CALU: variants seen among roughly 807,000 people sequenced by gnomAD.
CALU encodes the protein calumenin, also known as IEF SSP 9302.
A neutral mutation model predicts 37.5 loss-of-function variants in CALU; 13 were observed. The ratio of observed to expected loss-of-function variants is 0.35; its 90% confidence interval spans 0.23 to 0.55. The LOEUF is 0.55. Among genes scored for constraint, CALU ranks in the 20% least tolerant of loss-of-function variants. CALU has a pLI of 0.89. For synonymous variants in CALU, 114 were observed against 133.8 expected (o/e 0.85, Z 1.02); for missense variants, 282 against 391.7 (o/e 0.72, Z 2.36).
intron 2 of CALU, among the ~76,000 whole-genome samples, chr7:128,749,194 G>T (rs530268722): frequency 6.6e-6 from 1 of 152,188 alleles, no homozygotes; most frequent in Non-Finnish European, 1.5e-5. Flanking sequence ...TCTTTGATGG[G>T]CTAATAAACG....
chr7:128,758,272 C>G (rs1032107647), intron 3 of CALU, among the ~76,000 whole-genome samples: 2 of 152,080 alleles, frequency 1.3e-5, no homozygotes. Context: ...CATTCTATTG[C>G]TTGAATCCAA....
intron 5 of CALU, among the ~76,000 whole-genome samples, chr7:128,760,806 G>A (rs1196684699): frequency 1.3e-5 from 2 of 152,208 alleles, no homozygotes; most frequent in East Asian, 3.9e-4. Flanking sequence ...TACTGGGGAC[G>A]CTGAGGCAGG....
Position 128,772,510 on chromosome 7 carries a change from A to G in CALU, c.*3343A>G, listed in dbSNP as rs2128885254. The G allele has an allele frequency of 4.3e-6, 7 of 1,613,852 alleles. No individual in the cohort carries two copies. Among genetic ancestry groups the G allele is most frequent in the Non-Finnish European group, 5.9e-6 (7 of 1,179,758 alleles). On this transcript the variant is annotated 3_prime_UTR_variant, in exon 7 of 7. Transcript: ENST00000249364. ...TTACTTAAAAGTAAAATTTAATTCT[A>G]GCTGTTGCAAACAGGCCAATATTGG...
At chr7:128,747,633 T>C (rs985749691) in intron 1 of CALU, 2 of 152,158 alleles carry the variant, frequency 1.3e-5, no homozygotes, top group Admixed American at 6.6e-5. Flanking sequence ...TTCTTCTTGA[T>C]TTTTAATTTT....
intron 1 of CALU, among the ~76,000 whole-genome samples, chr7:128,745,766 A>C (rs1459747318): frequency 2.0e-5 from 3 of 152,194 alleles, no homozygotes; most frequent in Admixed American, 6.5e-5. Context: ...GGTCAGCCAG[A>C]GTGTTGTTCA....
chr7:128,746,528 A>G lies in CALU; in HGVS notation c.-11-2045A>G, dbSNP rs137910522. ...GAGTGCAGTGGTACAATCTCAGCTA[A>G]CTGCAACCTCCACCTGGTGGGTTCA... On this transcript the variant is annotated intron_variant, in intron 1 of 6. Coordinates refer to ENST00000249364, the MANE Select transcript of CALU (RefSeq NM_001219.5). Among the ~76,000 whole-genome samples, 494 of 151,636 alleles carry G rather than the reference A, an allele frequency of 3.3e-3. 4 individuals carry two copies. Among genetic ancestry groups the G allele is most frequent in the African/African-American group, 0.011 (474 of 41,316 alleles).
intron 2 of CALU, among the ~76,000 whole-genome samples, chr7:128,751,086 A>T (rs756488303): frequency 6.6e-6 from 1 of 151,010 alleles, no homozygotes; most frequent in Non-Finnish European, 1.5e-5. Context: ...TCAAGAGATC[A>T]AGACCATCCT....
At chr7:128,749,966 C>T (rs1800597495) in intron 2 of CALU, among the ~76,000 whole-genome samples, 2 of 152,172 alleles carry the variant, frequency 1.3e-5, no homozygotes, top group South Asian at 4.1e-4. Flanking sequence ...GTGGCTCACG[C>T]CTGTAATCCC....
chr7:128,766,387 C>T (rs889615739), intron 5 of CALU, among the ~76,000 whole-genome samples: 2 of 148,958 alleles, frequency 1.3e-5, no homozygotes, highest in African/African-American at 4.9e-5. Flanking sequence ...TTTTTTCAGG[C>T]ATTTGCATTC....
intron 2 of CALU, among the ~76,000 whole-genome samples, chr7:128,752,451 G>T (rs950850856): frequency 6.6e-6 from 1 of 151,984 alleles, no homozygotes; most frequent in Admixed American, 6.6e-5. Flanking sequence ...ACCTTTTGGG[G>T]GTAGGAGGGG....
chr7:128,758,121 A>G (rs988188378), intron 3 of CALU, among the ~76,000 whole-genome samples: 1 of 151,910 alleles, frequency 6.6e-6, no homozygotes, highest in East Asian at 1.9e-4. Context: ...TCCCTAGGCA[A>G]TCACTCATCT....
intron 1 of CALU, among the ~76,000 whole-genome samples, chr7:128,742,867 A>G (rs1800292531): frequency 6.6e-6 from 1 of 152,172 alleles, no homozygotes; most frequent in East Asian, 1.9e-4. Context: ...AATACTACAA[A>G]AGGATGATAG....
chr7:128,773,193 C>T lies in CALU; in HGVS notation c.*4026C>T, dbSNP rs117607581. 9.7e-3 allele frequency among the ~76,000 whole-genome samples: 1,477 copies of T among 152,242 alleles called. 15 individuals carry two copies. Among genetic ancestry groups the T allele is most frequent in the Non-Finnish European group, 0.016 (1,078 of 68,022 alleles). ...ATGATTTCTGTGCTTCACACATGCT[C>T]GTGCAGGCTAAAAGTTGGAAGGGAA... On this transcript the variant is annotated 3_prime_UTR_variant, in exon 7 of 7. Transcript: ENST00000249364.
intron 1 of CALU, among the ~76,000 whole-genome samples, chr7:128,740,991 C>T (rs558780204): frequency 1.3e-5 from 2 of 152,324 alleles, no homozygotes; most frequent in African/African-American, 4.8e-5. Context: ...GCCTCAGCCT[C>T]CCAAGTAGCT....
intron 1 of CALU, among the ~76,000 whole-genome samples, chr7:128,740,084 TG>T: frequency 6.6e-6 from 1 of 152,336 alleles, no homozygotes; most frequent in African/African-American, 2.4e-5. Context: ...AATTAATTTT[TG>T]TTACGTTTTT....
At chr7:128,743,525 T>G (rs1423080490) in intron 1 of CALU, among the ~76,000 whole-genome samples, 1 of 151,850 alleles carries the variant, frequency 6.6e-6, no homozygotes, top group African/African-American at 2.4e-5. Flanking sequence ...CTTTTTTTTT[T>G]CTTTTTCTTT....
At chr7:128,766,714 C>T (rs1801350716) in intron 5 of CALU, among the ~76,000 whole-genome samples, 1 of 152,136 alleles carries the variant, frequency 6.6e-6, no homozygotes, top group African/African-American at 2.4e-5. Context: ...GCCTAGGCCT[C>T]CCAAAGTGCT....
chr7:128,759,822 G>C lies in CALU; in HGVS notation c.613G>C (p.Asp205His). 1 of 1,401,570 alleles carries C rather than the reference G, an allele frequency of 7.1e-7. No individual in the cohort carries two copies. Among genetic ancestry groups the C allele is most frequent in the Non-Finnish European group, 1.0e-6 (1 of 986,614 alleles). 86.8% of individuals were successfully genotyped at this position (1,401,570 alleles called of 1,614,324 possible). The change falls in exon 5 of 7, where the codon GAT (aspartate) becomes CAT (histidine). Residue 205 changes from aspartate to histidine, a missense_variant. Asp to His is a moderately conservative substitution (Grantham distance 81). Transcript: ENST00000249364. ...AATGGAAGATATAGATAAGAATGCT[G>C]ATGGTTTCATTGATCTAGAAGAGTA... ...ETMEDIDKNADGFIDLEEYIG... is the reference protein window; with the variant it reads ...ETMEDIDKNAHGFIDLEEYIG...
intron 3 of CALU, among the ~76,000 whole-genome samples, chr7:128,757,876 G>C (rs1315381244): frequency 2.0e-5 from 3 of 150,500 alleles, no homozygotes; most frequent in East Asian, 3.9e-4. Context: ...ATAACAGATG[G>C]GTAGTTCCAA....
Sources: gnomAD v4.1 joint callset for allele counts (sites outside exome capture counted in the v4.1 genomes callset) on GRCh38, gnomAD v4.1.1 for gene constraint, MANE v1.5 for transcripts, NCBI Gene and HGNC (gene_info 2026-07-23, HGNC 2026-07-21) for gene names.